Variants in CEP112 observed in about 807,000 individuals in gnomAD.
CEP112 encodes centrosomal protein 112.
In CEP112, 127 loss-of-function variants were observed where a neutral mutation model predicts 153.0. That is an observed-to-expected ratio of 0.83 (90% CI 0.72 to 0.96). The LOEUF (loss-of-function observed/expected upper bound fraction) is 0.96. Among genes scored for constraint, CEP112 ranks in the 40% least tolerant of loss-of-function variants. The pLI, the probability that CEP112 is intolerant of heterozygous loss-of-function variation, is 0.00. For synonymous variants in CEP112, 358 were observed against 374.4 expected (o/e 0.96, Z 0.51); for missense variants, 1,089 against 1,101.2 (o/e 0.99, Z 0.16).
At chr17:66,177,260 C>T (rs1205255327) in intron 2 of CEP112, among the ~76,000 whole-genome samples, 6 of 152,180 alleles carry the variant, frequency 3.9e-5, no homozygotes, top group Admixed American at 3.9e-4. Context: ...TGACTATGTT[C>T]CAATAAAACC....
intron 24 of CEP112, among the ~76,000 whole-genome samples, chr17:65,646,807 G>GGGGCCA (rs1189089031): frequency 1.3e-5 from 2 of 152,220 alleles, no homozygotes; most frequent in Non-Finnish European, 2.9e-5. Flanking sequence ...CAGCACAACA[G>GGGGCCA]GGGCCAGGGC....
In CEP112 at chr17:65,970,320, A is replaced by G. The variant is rs1442271755; in HGVS notation, c.1737-8722T>C. Among the ~76,000 whole-genome samples, 2 of 151,650 alleles carry G rather than the reference A, an allele frequency of 1.3e-5. 1 individual carries two copies. Among genetic ancestry groups the G allele is most frequent in the African/African-American group, 4.9e-5 (2 of 41,094 alleles). On this transcript the variant is annotated intron_variant, in intron 17 of 26. Coordinates refer to ENST00000535342, the MANE Select transcript of CEP112 (RefSeq NM_001199165.4). Reference sequence around the variant, plus strand: ...ACTGCATGTGTATCTCATATGTAAAACATATTGCATGCATATTACATGCAT... The same window carrying G: ...ACTGCATGTGTATCTCATATGTAAAGCATATTGCATGCATATTACATGCAT...
rs1300243954 is a variant in CEP112 at position 66,183,387 on chromosome 17, C to T, written c.-8-80G>A. 4 of 974,826 alleles carry T rather than the reference C, an allele frequency of 4.1e-6. No individual in the cohort carries two copies. In the Admixed American group the frequency reaches 1.0e-4, roughly 25 times the overall value. The allele number at this position is 974,826 out of a possible 1,614,324, so 60.4% of individuals were successfully genotyped here. On this transcript the variant is annotated intron_variant, in intron 1 of 26. Transcript: ENST00000535342. ...ACTCTGATGAGAAAGATAAAAAAAA[C>T]TCTTAAGTGTTAGATATCAGTTCTC...
intron 20 of CEP112, among the ~76,000 whole-genome samples, chr17:65,885,816 T>C (rs1163733607): frequency 2.0e-5 from 3 of 152,210 alleles, no homozygotes; most frequent in Non-Finnish European, 4.4e-5. Flanking sequence ...TAAATCTGTG[T>C]TGCAGCTCTC....
At chr17:65,901,089 T>A (rs1340478286) in intron 20 of CEP112, among the ~76,000 whole-genome samples, 1 of 152,188 alleles carries the variant, frequency 6.6e-6, no homozygotes, top group Non-Finnish European at 1.5e-5. Flanking sequence ...CTCAAAAAAA[T>A]TAACATCTTA....
intron 20 of CEP112, among the ~76,000 whole-genome samples, chr17:65,861,068 T>A (rs1052357582): frequency 6.6e-6 from 1 of 152,202 alleles, no homozygotes; most frequent in Non-Finnish European, 1.5e-5. Context: ...TAGAGATAGA[T>A]TAGATTAGTG....
intron 24 of CEP112, among the ~76,000 whole-genome samples, chr17:65,658,990 T>C (rs2046203361): frequency 8.1e-6 from 1 of 123,502 alleles, no homozygotes; most frequent in Non-Finnish European, 1.6e-5. Flanking sequence ...CACTCCAGCC[T>C]GGGTGACAGA....
intron 21 of CEP112, among the ~76,000 whole-genome samples, chr17:65,763,676 T>C (rs188361957): frequency 6.6e-6 from 1 of 152,172 alleles, no homozygotes; most frequent in East Asian, 1.9e-4. Flanking sequence ...TCTTAGAATT[T>C]CCATCTCTCT....
chr17:66,142,980 G>C (rs1162890970), intron 4 of CEP112, among the ~76,000 whole-genome samples: 1 of 152,124 alleles, frequency 6.6e-6, no homozygotes, highest in East Asian at 1.9e-4. Flanking sequence ...ATGAGCACAG[G>C]ATATCTTTCC....
At chr17:65,933,575 T>C (rs74566324) in intron 18 of CEP112, among the ~76,000 whole-genome samples, 1 of 152,290 alleles carries the variant, frequency 6.6e-6, no homozygotes, top group African/African-American at 2.4e-5. Context: ...TCAAGAATAC[T>C]CTACCTGGCA....
intron 8 of CEP112, among the ~76,000 whole-genome samples, chr17:66,077,645 A>G (rs901333189): frequency 1.3e-5 from 2 of 152,254 alleles, no homozygotes; most frequent in Non-Finnish European, 2.9e-5. Flanking sequence ...ATTTGGGGGA[A>G]TAATTGAGGA....
chr17:66,119,993 G>A (rs1308120935), intron 6 of CEP112, among the ~76,000 whole-genome samples: 2 of 152,022 alleles, frequency 1.3e-5, no homozygotes, highest in Non-Finnish European at 2.9e-5. Context: ...TCTTATTGTT[G>A]AGGTTTCAGA....
Position 66,063,044 on chromosome 17 carries a change from C to G in CEP112, c.993G>C (p.Glu331Asp). The G allele has an allele frequency of 6.3e-7, 1 of 1,594,750 alleles. No homozygotes were observed. Among genetic ancestry groups the G allele is most frequent in the Non-Finnish European group, 8.5e-7 (1 of 1,171,900 alleles). ...TLIRDCQVIR[E>D]TKEDQIAELK... ...GCTCTGCAATCTGGTCTTCTTTAGT[C>G]TCTCTGATAACTTGACAGTCACGTA... Residue 331 changes from glutamate (E) to aspartate (D), a missense_variant, in exon 11 of 27, where the codon GAG becomes GAC. Glu to Asp is a conservative substitution (Grantham distance 45). Transcript: ENST00000535342.
At chr17:66,110,163 CAAAACAAA>C (rs1451609710) in intron 6 of CEP112, among the ~76,000 whole-genome samples, 2 of 151,184 alleles carry the variant, frequency 1.3e-5, no homozygotes, top group Non-Finnish European at 3.0e-5. Context: ...CGTCTCAAAA[CAAAACAAA>C]AAAACAAAAA....
chr17:65,986,709 T>C (rs977670914), intron 17 of CEP112, among the ~76,000 whole-genome samples: 8 of 29,130 alleles, frequency 2.7e-4, no homozygotes, highest in Admixed American at 1.1e-3. Context: ...AGACTTATAA[T>C]ATAAGTTATA....
At chr17:66,120,201 G>T (rs1411859586) in intron 6 of CEP112, among the ~76,000 whole-genome samples, 1 of 151,864 alleles carries the variant, frequency 6.6e-6, no homozygotes, top group Non-Finnish European at 1.5e-5. Context: ...TTGTTGGGAG[G>T]TTTTTGTTTT....
At chr17:66,096,850 T>A (rs1447107317) in intron 6 of CEP112, among the ~76,000 whole-genome samples, 2 of 152,160 alleles carry the variant, frequency 1.3e-5, no homozygotes, top group Admixed American at 1.3e-4. Context: ...TGAACCTTCA[T>A]GATCCTCTCA....
At chr17:65,872,945 T>G (rs1174993076) in intron 20 of CEP112, 3 of 152,222 alleles carry the variant, frequency 2.0e-5, no homozygotes, top group Admixed American at 2.0e-4. Flanking sequence ...ACTAGTTGCA[T>G]GTTGTACTTA....
chr17:66,057,205 T>C (rs1471288815), intron 11 of CEP112, among the ~76,000 whole-genome samples: 2 of 152,086 alleles, frequency 1.3e-5, no homozygotes, highest in African/African-American at 4.8e-5. Flanking sequence ...CAGTTACAGG[T>C]GATCTAGGCA....
Sources: allele counts gnomAD v4.1 joint callset (sites outside exome capture counted in the v4.1 genomes callset), GRCh38; gene constraint gnomAD v4.1.1; transcripts MANE v1.5; gene names NCBI Gene and HGNC (gene_info 2026-07-23, HGNC 2026-07-21).